Variants in LPP observed in about 807,000 individuals in gnomAD.
The protein encoded by LPP is lipoma-preferred partner.
LPP carries 38 observed loss-of-function variants against 60.4 expected under a neutral mutation model. The ratio of observed to expected loss-of-function variants is 0.63; its 90% CI spans 0.49 to 0.83. LPP has a LOEUF of 0.83. LPP is among the 40% of genes least tolerant of loss of function. The probability of loss-of-function intolerance (pLI) is 0.00; values close to 1 mark genes in which losing one functional copy is unlikely to be tolerated. For synonymous variants in LPP, 328 were observed against 290.8 expected, an observed-to-expected ratio of 1.13 and a Z score of -1.30; for missense variants, 902 against 783.6, an observed-to-expected ratio of 1.15 and a Z score of -1.80.
At chr3:188,650,580 T>C (rs1851892783) in intron 7 of LPP, among the ~76,000 whole-genome samples, 1 of 152,200 alleles carries the variant, frequency 6.6e-6, no homozygotes, top group Admixed American at 6.5e-5. Flanking sequence ...CTAATGGACC[T>C]ATACCAAGTG....
chr3:188,827,583 G>A (rs1755915198), intron 9 of LPP, among the ~76,000 whole-genome samples: 1 of 152,160 alleles, frequency 6.6e-6, no homozygotes, highest in African/African-American at 2.4e-5. Flanking sequence ...AAAGAAGTGG[G>A]GTTGAAGCTG....
At chr3:188,640,608 G>A (rs1024582251) in intron 7 of LPP, among the ~76,000 whole-genome samples, 30 of 150,582 alleles carry the variant, frequency 2.0e-4, no homozygotes, top group African/African-American at 7.3e-4. Context: ...CTTAATTTAT[G>A]AAAATCCAAC....
At chr3:188,812,432 A>G (rs1407221611) in intron 9 of LPP, among the ~76,000 whole-genome samples, 1 of 152,198 alleles carries the variant, frequency 6.6e-6, no homozygotes, top group Non-Finnish European at 1.5e-5. Flanking sequence ...TTAATGATGA[A>G]TGTAATCAGA....
intron 7 of LPP, among the ~76,000 whole-genome samples, chr3:188,695,137 A>G (rs1208186120): frequency 2.0e-5 from 3 of 152,230 alleles, no homozygotes; most frequent in Admixed American, 1.3e-4. Flanking sequence ...AAGTTACTCA[A>G]TATAAAACAT....
intron 7 of LPP, among the ~76,000 whole-genome samples, chr3:188,644,270 A>C (rs1017657748): frequency 2.0e-5 from 3 of 152,220 alleles, no homozygotes; most frequent in Non-Finnish European, 4.4e-5. Context: ...TCACAAGTTC[A>C]GGATCAATGA....
chr3:188,615,961 A>T (rs1560648337), intron 7 of LPP, among the ~76,000 whole-genome samples: 1 of 152,084 alleles, frequency 6.6e-6, no homozygotes, highest in Admixed American at 6.6e-5. Flanking sequence ...AATTTGTTTA[A>T]GTTCCTTGTA....
At chr3:188,562,067 AC>A (rs60387417) in intron 6 of LPP, among the ~76,000 whole-genome samples, 65,152 of 151,738 alleles carry the variant, frequency 0.43, 15,136 homozygotes, top group East Asian at 0.92. Flanking sequence ...ACACACAGAC[AC>A]ACACAGACAC....
At chr3:188,269,933 C>A (rs1472246311) in intron 2 of LPP, among the ~76,000 whole-genome samples, 2 of 152,254 alleles carry the variant, frequency 1.3e-5, no homozygotes, top group Admixed American at 6.5e-5. Context: ...CAGGTGGGAG[C>A]CACTACACCT....
chr3:188,352,037 T>A lies in LPP; in HGVS notation c.-10+10318T>A, dbSNP rs1180805785. Among the ~76,000 whole-genome samples, 1 of 152,180 alleles carries A rather than the reference T, an allele frequency of 6.6e-6. No individual in the cohort carries two copies. The highest frequency in any genetic ancestry group is 1.5e-5 in the Non-Finnish European group (1 of 68,038). ...CCTAGCTAGCCTCGACCTCAACGTG[T>A]ATTATTTCCTCCCCCCTTGTCATTT... On this transcript the variant is annotated intron_variant, in intron 3 of 11. Coordinates refer to ENST00000617246, the MANE Select transcript of LPP (RefSeq NM_001375462.1). The surrounding 1 kb of genome is among the most constrained non-coding windows in gnomAD (Gnocchi z 4.4).
At chr3:188,228,008 G>C (rs1718440950) in intron 2 of LPP, among the ~76,000 whole-genome samples, 1 of 152,224 alleles carries the variant, frequency 6.6e-6, no homozygotes, top group South Asian at 2.1e-4. Flanking sequence ...AGAGAGGACT[G>C]GAAGCTCCGT....
intron 7 of LPP, among the ~76,000 whole-genome samples, chr3:188,626,931 A>G (rs1401459530): frequency 6.6e-6 from 1 of 151,628 alleles, no homozygotes; most frequent in Admixed American, 6.6e-5. Flanking sequence ...CACATTAATA[A>G]AAGCTATGAA....
rs550529834 is a variant in LPP at position 188,868,693 on chromosome 3, A to G, written c.1589+2315A>G. On this transcript the variant is annotated intron_variant, in intron 10 of 11. Coordinates refer to ENST00000617246, the MANE Select transcript of LPP (RefSeq NM_001375462.1). Reference sequence around the variant, plus strand: ...GCATAGGCTAATCACTGAAAGACCAAAGAGAGGGCAGACAAAGGGATATTC... The same window carrying G: ...GCATAGGCTAATCACTGAAAGACCAGAGAGAGGGCAGACAAAGGGATATTC... Among the ~76,000 whole-genome samples, 29 of 152,356 alleles carry G rather than the reference A, an allele frequency of 1.9e-4. No individual in the cohort carries two copies. The South Asian group carries it at 5.0e-3, about 26-fold the overall frequency.
chr3:188,727,478 G>T (rs1021799469), intron 8 of LPP, among the ~76,000 whole-genome samples: 5 of 151,832 alleles, frequency 3.3e-5, no homozygotes, highest in Middle Eastern at 3.4e-3. Context: ...ACTTTTCTTG[G>T]GTCACTGAAT....
At chr3:188,270,753 C>G (rs1351762929) in intron 2 of LPP, among the ~76,000 whole-genome samples, 6 of 152,186 alleles carry the variant, frequency 3.9e-5, no homozygotes, top group Non-Finnish European at 7.3e-5. Context: ...GCTAATGTTC[C>G]AAGCATCTGC....
chr3:188,203,458 AATAT>A (rs1396298471), intron 1 of LPP, among the ~76,000 whole-genome samples: 1 of 90,312 alleles, frequency 1.1e-5, no homozygotes, highest in African/African-American at 4.6e-5. Flanking sequence ...AATATATATA[AATAT>A]ATATATTTTT....
intron 1 of LPP, among the ~76,000 whole-genome samples, chr3:188,204,844 G>T (rs562747101): frequency 6.6e-6 from 1 of 152,252 alleles, no homozygotes; most frequent in East Asian, 1.9e-4. Flanking sequence ...AGTGTAAGAT[G>T]GTCATGAGTT....
At chr3:188,268,853 C>G (rs1736581972) in intron 2 of LPP, among the ~76,000 whole-genome samples, 1 of 152,182 alleles carries the variant, frequency 6.6e-6, no homozygotes, top group South Asian at 2.1e-4. Flanking sequence ...TCAAATGTTA[C>G]TAGGTAGATA....
At chr3:188,626,163 C>G (rs1339001018) in intron 7 of LPP, among the ~76,000 whole-genome samples, 1 of 152,062 alleles carries the variant, frequency 6.6e-6, no homozygotes, top group African/African-American at 2.4e-5. Flanking sequence ...ACAGTCAGGC[C>G]TTCATATTCA....
intron 4 of LPP, among the ~76,000 whole-genome samples, chr3:188,455,887 A>G (rs1797623224): frequency 6.6e-6 from 1 of 152,158 alleles, no homozygotes. Context: ...GCATTTAAAA[A>G]AAAATTTTTT....
Sources: allele counts gnomAD v4.1 joint callset (sites outside exome capture counted in the v4.1 genomes callset), GRCh38; gene constraint gnomAD v4.1.1; non-coding constraint Gnocchi (gnomAD v3.1); transcripts MANE v1.5; gene names NCBI Gene and HGNC (gene_info 2026-07-23, HGNC 2026-07-21).